NLGN1: variants seen among roughly 807,000 people sequenced by gnomAD.
NLGN1 encodes neuroligin 1.
NLGN1 carries 12 observed loss-of-function variants against 65.5 expected under a neutral mutation model. That is an observed-to-expected ratio of 0.18 (90% confidence interval 0.12 to 0.30). The LOEUF (loss-of-function observed/expected upper bound fraction) is 0.30, where lower values mean the gene tolerates loss of function less well. Among genes scored for constraint, NLGN1 ranks in the 10% least tolerant of loss-of-function variants. The pLI is 1.00. For synonymous variants in NLGN1, 350 were observed against 359.5 expected (o/e 0.97, Z 0.30); for missense variants, 750 against 1,007.1 (o/e 0.74, Z 3.46).
chr3:174,125,730 G>T (rs377279518), intron 4 of NLGN1, among the ~76,000 whole-genome samples: 18 of 152,152 alleles, frequency 1.2e-4, no homozygotes, highest in African/African-American at 4.1e-4. Flanking sequence ...GGTGATAAAA[G>T]AAGCAGATAA....
intron 2 of NLGN1, among the ~76,000 whole-genome samples, chr3:173,532,762 A>T (rs542373197): frequency 2.0e-5 from 3 of 152,246 alleles, no homozygotes; most frequent in African/African-American, 7.2e-5. Flanking sequence ...TTGTTGGTAT[A>T]GGTTATGCCA....
intron 4 of NLGN1, among the ~76,000 whole-genome samples, chr3:174,044,692 T>C (rs1421616728): frequency 6.6e-6 from 1 of 152,140 alleles, no homozygotes; most frequent in Non-Finnish European, 1.5e-5. Flanking sequence ...CATATCATCC[T>C]GTCTTCTTCT....
chr3:173,553,148 CG>C (rs1741164077), intron 2 of NLGN1, among the ~76,000 whole-genome samples: 1 of 152,138 alleles, frequency 6.6e-6, no homozygotes, highest in South Asian at 2.1e-4. Flanking sequence ...TTGGAGGATT[CG>C]CCTTGAAAAT....
intron 2 of NLGN1, among the ~76,000 whole-genome samples, chr3:173,511,505 CT>C (rs1157388172): frequency 2.0e-5 from 3 of 152,290 alleles, no homozygotes; most frequent in Admixed American, 1.3e-4. Context: ...CTTCCTTGAT[CT>C]GAAGTTTGGA....
intron 4 of NLGN1, among the ~76,000 whole-genome samples, chr3:173,817,336 T>C (rs180907759): frequency 6.6e-6 from 1 of 152,320 alleles, no homozygotes; most frequent in East Asian, 1.9e-4. Context: ...AGTGACATGA[T>C]TAGATCTGCA....
At chr3:173,457,288 A>G (rs1722659635) in intron 2 of NLGN1, among the ~76,000 whole-genome samples, 1 of 152,142 alleles carries the variant, frequency 6.6e-6, no homozygotes, top group Non-Finnish European at 1.5e-5. Context: ...AGTACCAGAA[A>G]CAGAGGACAG....
intron 3 of NLGN1, among the ~76,000 whole-genome samples, chr3:173,664,510 G>A (rs571923518): frequency 5.3e-5 from 8 of 152,162 alleles, no homozygotes; most frequent in African/African-American, 1.9e-4. Flanking sequence ...CTTGAGTGAG[G>A]GAACAATTAA....
chr3:173,456,969 C>T (rs1399293931), intron 2 of NLGN1, among the ~76,000 whole-genome samples: 1 of 152,034 alleles, frequency 6.6e-6, no homozygotes, highest in Non-Finnish European at 1.5e-5. Flanking sequence ...AGTTGCTTGT[C>T]AGGGAGAACC....
intron 2 of NLGN1, among the ~76,000 whole-genome samples, chr3:173,512,927 G>C (rs1733218462): frequency 6.6e-6 from 1 of 152,182 alleles, no homozygotes; most frequent in Admixed American, 6.5e-5. Flanking sequence ...TGCAAAGTAA[G>C]ACGTGAAAAG....
At chr3:173,805,466 T>G (rs1716438811) in intron 3 of NLGN1, among the ~76,000 whole-genome samples, 1 of 152,206 alleles carries the variant, frequency 6.6e-6, no homozygotes, top group Non-Finnish European at 1.5e-5. Context: ...CCACTCAAAA[T>G]AGCTCCTAGA....
chr3:173,776,884 A>T (rs1439467600), intron 3 of NLGN1, among the ~76,000 whole-genome samples: 1 of 151,952 alleles, frequency 6.6e-6, no homozygotes, highest in East Asian at 1.9e-4. Context: ...GGAAAAAGTC[A>T]ACTGAACACA....
chr3:173,911,929 A>C (rs2152226228), intron 4 of NLGN1, among the ~76,000 whole-genome samples: 1 of 152,334 alleles, frequency 6.6e-6, no homozygotes, highest in African/African-American at 2.4e-5. Flanking sequence ...CTATGCCGAT[A>C]GAGTTGCAAA....
intron 3 of NLGN1, among the ~76,000 whole-genome samples, chr3:173,710,091 T>A (rs1411833563): frequency 1.3e-5 from 2 of 152,168 alleles, no homozygotes; most frequent in Non-Finnish European, 2.9e-5. Context: ...AGTTTGAGAT[T>A]CAGTAGACAC....
At chr3:174,019,366 A>G (rs1019987420) in intron 4 of NLGN1, among the ~76,000 whole-genome samples, 3 of 152,058 alleles carry the variant, frequency 2.0e-5, no homozygotes, top group African/African-American at 4.8e-5. Context: ...AGGAAGAGAG[A>G]CTTGACCTGG....
chr3:173,786,457 A>G (rs756173940), intron 3 of NLGN1, among the ~76,000 whole-genome samples: 2 of 152,210 alleles, frequency 1.3e-5, no homozygotes, highest in African/African-American at 2.4e-5. Flanking sequence ...CTTCATTTCA[A>G]CAAAATAGTA....
At chr3:173,903,789 GT>G (rs1265543410) in intron 4 of NLGN1, among the ~76,000 whole-genome samples, 2 of 152,182 alleles carry the variant, frequency 1.3e-5, no homozygotes, top group Admixed American at 6.5e-5. Context: ...TCAAATGAGA[GT>G]TGGTGTCAGT....
At chr3:173,637,993 G>A (rs1044598492) in intron 3 of NLGN1, among the ~76,000 whole-genome samples, 1 of 152,096 alleles carries the variant, frequency 6.6e-6, no homozygotes, top group Admixed American at 6.5e-5. Flanking sequence ...TGCAATTGAA[G>A]ATATATACTA....
chr3:174,061,413 C>T lies in NLGN1; in HGVS notation c.647-213902C>T, dbSNP rs190283945. Among the ~76,000 whole-genome samples the T allele has an allele frequency of 4.2e-4, 64 of 152,146 alleles. 1 individual carries two copies. The highest frequency in any genetic ancestry group is 1.4e-3 in the African/African-American group (60 of 41,518). ...AAAGTCATTACACTCAGAGGAAAGCCAGTAGAATTGGTAAATGCACTGTAG... is the reference window on the plus strand; with the variant it reads ...AAAGTCATTACACTCAGAGGAAAGCTAGTAGAATTGGTAAATGCACTGTAG... On this transcript the variant is annotated intron_variant, in intron 4 of 6. Coordinates refer to ENST00000457714, the Ensembl canonical transcript of NLGN1.
chr3:173,687,738 T>C (rs1764885518), intron 3 of NLGN1, among the ~76,000 whole-genome samples: 1 of 152,218 alleles, frequency 6.6e-6, no homozygotes, highest in South Asian at 2.1e-4. Context: ...TCTTTGAAAG[T>C]TGTGTCAGAT....
Sources: allele counts gnomAD v4.1 joint callset (sites outside exome capture counted in the v4.1 genomes callset), GRCh38; gene constraint gnomAD v4.1.1; transcripts MANE v1.5; gene names NCBI Gene and HGNC (gene_info 2026-07-23, HGNC 2026-07-21).